SPOCK1: variants seen among roughly 807,000 people sequenced by gnomAD.
SPOCK1 encodes the protein SPARC (osteonectin), cwcv and kazal like domains proteoglycan 1.
Under a neutral mutation model 55.3 loss-of-function variants are expected in SPOCK1, and 23 were observed. The ratio of observed to expected loss-of-function variants is 0.42; its 90% CI spans 0.30 to 0.59. The LOEUF is 0.59. SPOCK1 is among the 20% of genes least tolerant of loss of function. The probability of loss-of-function intolerance (pLI) is 0.22; values close to 1 mark genes in which losing one functional copy is unlikely to be tolerated. For synonymous variants in SPOCK1, 226 were observed against 221.0 expected (o/e 1.02, Z -0.20); for missense variants, 499 against 552.5 (o/e 0.90, Z 0.97).
intron 5 of SPOCK1, among the ~76,000 whole-genome samples, chr5:137,071,521 T>C (rs28493317): frequency 0.2 from 29,959 of 152,164 alleles, 3,377 homozygotes; most frequent in Non-Finnish European, 0.24. Flanking sequence ...TTCTGAGGCT[T>C]TTGTTCTGTT....
intron 3 of SPOCK1, among the ~76,000 whole-genome samples, chr5:137,215,808 G>T (rs1430192530): frequency 6.6e-6 from 1 of 152,128 alleles, no homozygotes; most frequent in Admixed American, 6.5e-5. Flanking sequence ...GCACATTTTT[G>T]ATCTGATGCA....
At chr5:137,378,387 A>G (rs979512796) in intron 2 of SPOCK1, among the ~76,000 whole-genome samples, 1 of 152,248 alleles carries the variant, frequency 6.6e-6, no homozygotes, top group Non-Finnish European at 1.5e-5. Context: ...GGCATTGGGG[A>G]TACAGGTAGG....
chr5:137,160,522 T>TAA (rs1397493249), intron 3 of SPOCK1, among the ~76,000 whole-genome samples: 2 of 82,672 alleles, frequency 2.4e-5, no homozygotes, highest in African/African-American at 4.9e-5. Context: ...CATATATATA[T>TAA]AATATATAAA....
intron 2 of SPOCK1, among the ~76,000 whole-genome samples, chr5:137,342,394 G>A (rs1252911584): frequency 6.6e-6 from 1 of 152,160 alleles, no homozygotes; most frequent in Non-Finnish European, 1.5e-5. Flanking sequence ...CTCACCCCAT[G>A]GAATCGGTCA....
chr5:137,324,961 T>C (rs567042209), intron 2 of SPOCK1, among the ~76,000 whole-genome samples: 56 of 127,418 alleles, frequency 4.4e-4, no homozygotes, highest in African/African-American at 1.9e-3. Flanking sequence ...GGCTCAATCC[T>C]GAAAAAAAAA....
chr5:137,160,337 ATAT>A (rs1754502791), intron 3 of SPOCK1, among the ~76,000 whole-genome samples: 1 of 92,590 alleles, frequency 1.1e-5, no homozygotes, highest in Non-Finnish European at 2.5e-5. Flanking sequence ...TATATTATAT[ATAT>A]TATATTATAT....
chr5:137,043,321 TA>T (rs1256782050), intron 6 of SPOCK1, among the ~76,000 whole-genome samples: 21 of 152,092 alleles, frequency 1.4e-4, no homozygotes, highest in Admixed American at 1.4e-3. Context: ...AAGAAACAAA[TA>T]AATGGGGTAA....
At chr5:137,191,488 A>T (rs143761203) in intron 3 of SPOCK1, among the ~76,000 whole-genome samples, 1 of 152,336 alleles carries the variant, frequency 6.6e-6, no homozygotes, top group East Asian at 1.9e-4. Flanking sequence ...ATGTACTTGG[A>T]CTTTGAACAT....
chr5:137,257,111 C>A (rs1756650641), intron 3 of SPOCK1, among the ~76,000 whole-genome samples: 1 of 152,194 alleles, frequency 6.6e-6, no homozygotes, highest in Non-Finnish European at 1.5e-5. Context: ...GCATCAGGCC[C>A]ATCTTGCTAT....
At chr5:137,323,846 G>A (rs1758024968) in intron 2 of SPOCK1, among the ~76,000 whole-genome samples, 1 of 152,140 alleles carries the variant, frequency 6.6e-6, no homozygotes. Flanking sequence ...CAAGGGTGTG[G>A]GGCAAAGGAA....
intron 3 of SPOCK1, among the ~76,000 whole-genome samples, chr5:137,259,237 C>T (rs990335863): frequency 6.6e-6 from 1 of 152,088 alleles, no homozygotes; most frequent in Non-Finnish European, 1.5e-5. Context: ...GTGGAACCAA[C>T]CCAAATGCTC....
At chr5:137,309,985 T>C (rs1407650768) in intron 2 of SPOCK1, among the ~76,000 whole-genome samples, 1 of 152,156 alleles carries the variant, frequency 6.6e-6, no homozygotes, top group Non-Finnish European at 1.5e-5. Context: ...CCGAGGAACC[T>C]TCACTCAAAA....
At chr5:137,129,485 G>T (rs1370807143) in intron 4 of SPOCK1, among the ~76,000 whole-genome samples, 2 of 152,182 alleles carry the variant, frequency 1.3e-5, no homozygotes, top group Non-Finnish European at 2.9e-5. Flanking sequence ...GAATTCAGAG[G>T]CTAGGGATTT....
intron 2 of SPOCK1, among the ~76,000 whole-genome samples, chr5:137,429,650 G>A (rs544412790): frequency 2.0e-5 from 3 of 152,296 alleles, no homozygotes; most frequent in Admixed American, 2.0e-4. Context: ...AAAAGGAAAG[G>A]GGATTTCCCA....
At chr5:137,273,932 T>C (rs1757016127) in intron 2 of SPOCK1, among the ~76,000 whole-genome samples, 1 of 152,198 alleles carries the variant, frequency 6.6e-6, no homozygotes, top group Non-Finnish European at 1.5e-5. Flanking sequence ...TGAATAGCAT[T>C]GTCATTGCTC....
chr5:137,474,971 T>C (rs1166453664), intron 2 of SPOCK1, among the ~76,000 whole-genome samples: 1 of 152,202 alleles, frequency 6.6e-6, no homozygotes, highest in Middle Eastern at 3.2e-3. Flanking sequence ...GAACAGGATA[T>C]TCACATGGTC....
chr5:137,330,710 C>G (rs1449900121), intron 2 of SPOCK1, among the ~76,000 whole-genome samples: 2 of 152,220 alleles, frequency 1.3e-5, no homozygotes, highest in African/African-American at 4.8e-5. Flanking sequence ...TGCACTCCAC[C>G]AAACCTCTCT....
chr5:137,201,583 C>T (rs1755426623), intron 3 of SPOCK1, among the ~76,000 whole-genome samples: 1 of 152,156 alleles, frequency 6.6e-6, no homozygotes, highest in African/African-American at 2.4e-5. Context: ...AGAGATGCCC[C>T]GTTTGGGATG....
intron 4 of SPOCK1, among the ~76,000 whole-genome samples, chr5:137,132,507 T>G (rs146546584): frequency 4.6e-5 from 7 of 152,322 alleles, no homozygotes; most frequent in Non-Finnish European, 8.8e-5. Flanking sequence ...TGCAGCCCCA[T>G]TATTCTGGGC....
Sources: allele counts gnomAD v4.1 joint callset (sites outside exome capture counted in the v4.1 genomes callset), GRCh38; gene constraint gnomAD v4.1.1; transcripts MANE v1.5; gene names NCBI Gene and HGNC (gene_info 2026-07-23, HGNC 2026-07-21).